SCAPER: variants seen among roughly 807,000 people sequenced by gnomAD.
The protein encoded by SCAPER is S-phase cyclin A associated protein in the ER, also known as S phase cyclin A-associated protein in the endoplasmic reticulum.
SCAPER carries 98 observed loss-of-function variants against 182.2 expected under a neutral mutation model. That is an observed-to-expected ratio of 0.54 (90% CI 0.46 to 0.64). SCAPER has a LOEUF of 0.64. Among genes scored for constraint, SCAPER ranks in the 30% least tolerant of loss-of-function variants. The probability of loss-of-function intolerance (pLI) is 0.00; values close to 1 mark genes in which losing one functional copy is unlikely to be tolerated. For synonymous variants in SCAPER, 605 were observed against 564.6 expected (o/e 1.07, Z -1.01); for missense variants, 1,432 against 1,690.0 (o/e 0.85, Z 2.68).
At chr15:76,791,775 T>A (rs185761651) in intron 8 of SCAPER, among the ~76,000 whole-genome samples, 1 of 152,094 alleles carries the variant, frequency 6.6e-6, no homozygotes, top group Non-Finnish European at 1.5e-5. Context: ...GAAAAAATTT[T>A]AAATTCAGGA....
chr15:76,366,049 G>A (rs552548536), intron 29 of SCAPER, among the ~76,000 whole-genome samples: 1 of 151,174 alleles, frequency 6.6e-6, no homozygotes, highest in Non-Finnish European at 1.5e-5. Context: ...TTCTAATCTA[G>A]CTTATTTAAG....
At chr15:76,773,133 A>T (rs1015937265) in intron 9 of SCAPER, among the ~76,000 whole-genome samples, 2 of 151,904 alleles carry the variant, frequency 1.3e-5, no homozygotes, top group African/African-American at 4.8e-5. Flanking sequence ...AGCATTACTT[A>T]TGTGTACACT....
intron 27 of SCAPER, among the ~76,000 whole-genome samples, chr15:76,389,959 CTTT>C (rs879728006): frequency 1.1e-3 from 162 of 148,150 alleles, no homozygotes; most frequent in African/African-American, 3.9e-3. Flanking sequence ...AAAGAGGAAC[CTTT>C]TTTTTTTCTT....
intron 6 of SCAPER, among the ~76,000 whole-genome samples, chr15:76,804,213 T>C (rs2065977433): frequency 6.6e-6 from 1 of 152,208 alleles, no homozygotes. Context: ...CAAAAGAGAT[T>C]TGTCCTTATC....
At chr15:76,414,577 G>A (rs1238941702) in intron 26 of SCAPER, among the ~76,000 whole-genome samples, 5 of 150,434 alleles carry the variant, frequency 3.3e-5, no homozygotes, top group African/African-American at 7.3e-5. Flanking sequence ...AGTGCTTCAA[G>A]GAAAAAAAAA....
At chr15:76,849,167 C>G (rs1250193287) in intron 4 of SCAPER, among the ~76,000 whole-genome samples, 1 of 152,144 alleles carries the variant, frequency 6.6e-6, no homozygotes, top group Non-Finnish European at 1.5e-5. Flanking sequence ...ACCCCAAGCT[C>G]ATGCCAGCAG....
At chr15:76,607,836 C>A (rs1488801931) in intron 22 of SCAPER, among the ~76,000 whole-genome samples, 1 of 152,192 alleles carries the variant, frequency 6.6e-6, no homozygotes, top group Non-Finnish European at 1.5e-5. Context: ...GCATTCGTCA[C>A]GTAGCTCTTG....
At chr15:76,650,183 A>G (rs1956544971) in intron 21 of SCAPER, among the ~76,000 whole-genome samples, 1 of 152,152 alleles carries the variant, frequency 6.6e-6, no homozygotes, top group Non-Finnish European at 1.5e-5. Flanking sequence ...AACACTAAAA[A>G]TAAAAAGTGG....
intron 25 of SCAPER, among the ~76,000 whole-genome samples, chr15:76,448,131 G>A (rs1439593017): frequency 6.6e-6 from 1 of 152,094 alleles, no homozygotes. Flanking sequence ...CTATACTGAG[G>A]GGTTTAGCTC....
At chr15:76,392,234 A>T (rs1479677225) in intron 27 of SCAPER, among the ~76,000 whole-genome samples, 1 of 152,218 alleles carries the variant, frequency 6.6e-6, no homozygotes, top group Non-Finnish European at 1.5e-5. Context: ...TTTTAATTAA[A>T]AAAATAACAT....
At chr15:76,613,769 C>A (rs2051205838) in intron 22 of SCAPER, among the ~76,000 whole-genome samples, 2 of 152,058 alleles carry the variant, frequency 1.3e-5, no homozygotes, top group Non-Finnish European at 2.9e-5. Flanking sequence ...CAGATGCTGG[C>A]AAGGTTGTAG....
intron 17 of SCAPER, among the ~76,000 whole-genome samples, chr15:76,719,160 C>G (rs1224280295): frequency 1.3e-5 from 2 of 152,034 alleles, no homozygotes; most frequent in African/African-American, 4.8e-5. Flanking sequence ...AAGTGTCCAT[C>G]AAAGAAACAA....
At chr15:76,409,902 C>T (rs959572750) in intron 26 of SCAPER, among the ~76,000 whole-genome samples, 4 of 152,038 alleles carry the variant, frequency 2.6e-5, no homozygotes, top group African/African-American at 9.7e-5. Flanking sequence ...GTCCTCCCAC[C>T]TCAGCCTCCT....
chr15:76,472,291 G>A, intron 24 of SCAPER: 1 of 637,042 alleles, frequency 1.6e-6, no homozygotes, highest in Non-Finnish European at 3.0e-6. Flanking sequence ...GGCAGGGAGG[G>A]GAATAACCCT....
chr15:76,882,886 G>C (rs368635095), intron 2 of SCAPER, among the ~76,000 whole-genome samples: 1 of 152,022 alleles, frequency 6.6e-6, no homozygotes, highest in Non-Finnish European at 1.5e-5. Flanking sequence ...GGATGGTCTC[G>C]GTCTCCTGAC....
chr15:76,563,066 A>T (rs2046766669), intron 23 of SCAPER, among the ~76,000 whole-genome samples: 1 of 152,194 alleles, frequency 6.6e-6, no homozygotes, highest in South Asian at 2.1e-4. Context: ...AAAACCATAA[A>T]GAAAAGGAAG....
At chr15:76,659,852 A>G (rs1867818853) in intron 21 of SCAPER, among the ~76,000 whole-genome samples, 1 of 152,198 alleles carries the variant, frequency 6.6e-6, no homozygotes. Context: ...TTTCTCAAAG[A>G]ACACAGAACA....
chr15:76,847,534 T>A (rs140180765), intron 4 of SCAPER, among the ~76,000 whole-genome samples: 36 of 152,182 alleles, frequency 2.4e-4, no homozygotes, highest in Non-Finnish European at 4.4e-4. Context: ...TTTTCCACGA[T>A]GCAGTTATTA....
chr15:76,588,117 T>C (rs1177766225), intron 22 of SCAPER, among the ~76,000 whole-genome samples: 1 of 151,980 alleles, frequency 6.6e-6, no homozygotes, highest in Non-Finnish European at 1.5e-5. Flanking sequence ...AGAGACGGGG[T>C]TTCACCGTGT....
Sources: allele counts gnomAD v4.1 joint callset (sites outside exome capture counted in the v4.1 genomes callset), GRCh38; gene constraint gnomAD v4.1.1; transcripts MANE v1.5; gene names NCBI Gene and HGNC (gene_info 2026-07-23, HGNC 2026-07-21).